CDC25B: variants seen among roughly 807,000 people sequenced by gnomAD.
CDC25B encodes M-phase inducer phosphatase 2.
CDC25B carries 33 observed loss-of-function variants against 69.8 expected under a neutral mutation model. That is an observed-to-expected ratio of 0.47 (90% CI 0.36 to 0.63). The LOEUF (loss-of-function observed/expected upper bound fraction) is 0.63. Among genes scored for constraint, CDC25B ranks in the 30% least tolerant of loss-of-function variants. The pLI is 0.00. For synonymous variants in CDC25B, 341 were observed against 314.6 expected (o/e 1.08, Z -0.89); for missense variants, 727 against 809.1 (o/e 0.90, Z 1.23).
Position 3,800,774 on chromosome 20 carries a change from G to C in CDC25B, c.491G>C (p.Arg164Pro). 8 of 1,611,424 alleles carry C rather than the reference G, an allele frequency of 5.0e-6. No individual in the cohort carries two copies. The highest frequency in any genetic ancestry group is 6.8e-6 in the Non-Finnish European group (8 of 1,180,018). ...CTGCTGGGCCACAGCCCCGTGCTTC[G>C]GAACATCACCAACTCCCAGGCGCCC... ...VRLLGHSPVL[R>P]NITNSQAPDG... The change falls in exon 6 of 16, where the codon CGG becomes CCG. Residue 164 changes from arginine (R) to proline (P), a missense_variant. Coordinates refer to ENST00000245960, the MANE Select transcript of CDC25B (RefSeq NM_021873.4).
chr20:3,800,238 T>A, intron 3 of CDC25B, 50 bp from the exon 4 acceptor site: 1 of 1,104,240 alleles, frequency 9.1e-7, no homozygotes. Flanking sequence ...CTGGGGTGGG[T>A]GATGGGTGCG....
At chr20:3,802,213 A>G in intron 10 of CDC25B, 68 bp from the exon 11 acceptor site, 4 of 1,558,982 alleles carry the variant, frequency 2.6e-6, no homozygotes, top group Non-Finnish European at 3.5e-6. Flanking sequence ...GAAAGGGGGT[A>G]CCAGCCAGCC....
At chr20:3,801,517 G>A in intron 8 of CDC25B, 129 bp downstream of exon 8, 2 of 1,254,644 alleles carry the variant, frequency 1.6e-6, no homozygotes, top group Non-Finnish European at 2.2e-6. Flanking sequence ...TGAGGTAACT[G>A]AGTCACAGCC....
At chr20:3,800,370 C>T in intron 4 of CDC25B, 41 bp downstream of exon 4, 3 of 1,613,748 alleles carry the variant, frequency 1.9e-6, no homozygotes, top group Non-Finnish European at 1.7e-6. Context: ...ACAAGCTTTC[C>T]CTTAGGACAG....
At chr20:3,789,376 A>AT (rs558244603) in intron 1 of CDC25B, among the ~76,000 whole-genome samples, 59 of 149,378 alleles carry the variant, frequency 3.9e-4, no homozygotes, top group African/African-American at 7.6e-4. Flanking sequence ...CTAATTTTTA[A>AT]TTTTTTTTTT....
intron 1 of CDC25B, among the ~76,000 whole-genome samples, 186 bp from the exon 2 acceptor site, chr20:3,797,436 C>T (rs888907288): frequency 1.3e-5 from 2 of 152,228 alleles, no homozygotes; most frequent in Non-Finnish European, 2.9e-5. Context: ...GAAGAGAAGA[C>T]GCTTTAGGGC....
At chr20:3,800,207 C>CGCTGGACTGGAGA (rs1555774427) in intron 3 of CDC25B, 81 bp from the exon 4 acceptor site, 5 of 1,416,278 alleles carry the variant, frequency 3.5e-6, no homozygotes, top group South Asian at 2.4e-5. Context: ...CCTTACTCCC[C>CGCTGGACTGGAGA]CCTGGACTGG....
At chr20:3,787,783 T>A (rs543768454) in intron 1 of CDC25B, among the ~76,000 whole-genome samples, 20 of 151,550 alleles carry the variant, frequency 1.3e-4, no homozygotes, top group Admixed American at 2.6e-4. Flanking sequence ...TGTGGGTGAG[T>A]GTAGACAAAG....
upstream of CDC25B, among the ~76,000 whole-genome samples, chr20:3,793,530 C>A (rs1454762168): frequency 6.6e-6 from 1 of 151,240 alleles, no homozygotes; most frequent in African/African-American, 2.4e-5. Flanking sequence ...CCAGAGGTGA[C>A]CTGACTGTGG....
rs2089231021 is a variant in CDC25B, at chr20:3,800,303, C to T, written c.396C>T (p.Ile132=). 4 of 1,613,942 alleles carry T rather than the reference C, an allele frequency of 2.5e-6. No individual in the cohort carries two copies. The highest frequency in any genetic ancestry group is 3.4e-6 in the Non-Finnish European group (4 of 1,179,988). The stretch of plus-strand genomic sequence containing the variant: ...TCTGTCCTAGGTTTGAACAGGCCAT[C>T]CAGGCAGCCAGCCGGATCATTCGAA... ...HMAEQTFEQA[I]QAASRIIRNE... The change falls in exon 4 of 16, where the codon ATC becomes ATT. Residue 132 remains isoleucine (I), a synonymous_variant. Transcript: ENST00000245960.
chr20:3,793,564 T>G (rs1159105739), upstream of CDC25B, among the ~76,000 whole-genome samples: 1 of 137,354 alleles, frequency 7.3e-6, no homozygotes, highest in African/African-American at 2.9e-5. Flanking sequence ...TTTTTTTTGG[T>G]TTTAGAGAAT....
intron 3 of CDC25B, among the ~76,000 whole-genome samples, chr20:3,799,958 C>G (rs1006844155): frequency 5.3e-5 from 8 of 152,144 alleles, no homozygotes; most frequent in African/African-American, 1.7e-4. Context: ...GATTTGCATA[C>G]AGGTGGAAGG....
In CDC25B at chr20:3,801,062, C is replaced by T; in HGVS notation, c.674C>T (p.Ala225Val). Residue 225 changes from alanine to valine, a missense_variant, in exon 7 of 16, where the codon GCC becomes GTC. Physicochemically the swap from Ala to Val is moderately conservative, Grantham distance 64. Transcript: ENST00000245960. ...TGGGCCAGCCGCAGGGAAGCCTTTG[C>T]CCAGAGACCCAGCTCGGCCCCCGAC... Reference protein sequence around the residue: ...AEWASRREAFAQRPSSAPDLM... With the variant: ...AEWASRREAFVQRPSSAPDLM... The T allele has an allele frequency of 6.2e-7, 1 of 1,614,054 alleles. No homozygotes were observed.
At position 3,802,303 on chromosome 20, in the gene CDC25B, A is replaced by G; in HGVS notation, c.1121A>G (p.Lys374Arg). 2 of 1,610,750 alleles carry G rather than the reference A, an allele frequency of 1.2e-6. No individual in the cohort carries two copies. Among genetic ancestry groups the G allele is most frequent in the Non-Finnish European group, 1.7e-6 (2 of 1,179,752 alleles). ...EEPKARVLRSKSLCHDEIENL... is the reference protein window; with the variant it reads ...EEPKARVLRSRSLCHDEIENL... ...CAGAAAGCCCGCGTCCTCCGCTCAAAATCACTGTGTCACGATGAGATCGAG... is the reference window on the plus strand; with the variant it reads ...CAGAAAGCCCGCGTCCTCCGCTCAAGATCACTGTGTCACGATGAGATCGAG... Residue 374 changes from lysine (K) to arginine (R), a missense_variant, in exon 11 of 16, where the codon AAA becomes AGA. Around this residue, in one of 2 missense-constraint regions of CDC25B, gnomAD observed 359 missense variants for 463.4 expected, o/e 0.77. Coordinates refer to ENST00000245960, the MANE Select transcript of CDC25B (RefSeq NM_021873.4).
rs1410689300 is a variant in CDC25B, at chr20:3,805,655, C to G, written c.*694C>G. The G allele has an allele frequency of 2.5e-6, 1 of 400,372 alleles. No homozygotes were observed. The highest frequency in any genetic ancestry group is 3.5e-5 in the East Asian group (1 of 28,178). The allele number at this position is 400,372 out of a possible 1,614,324, so 24.8% of individuals were successfully genotyped here. ...CCACTCGGTCCCAGTTTTGTTGCCC[C>G]AGAAAGGGATGTTATTATCCTTGGG... On this transcript the variant is annotated 3_prime_UTR_variant, in exon 16 of 16. Transcript: ENST00000245960.
At position 3,798,765 on chromosome 20, in the gene CDC25B, G is replaced by A. The variant is rs1327486112; in HGVS notation, c.380+302G>A. Among the ~76,000 whole-genome samples, 3 of 152,196 alleles carry A rather than the reference G, an allele frequency of 2.0e-5. No individual in the cohort carries two copies. In the East Asian group the frequency reaches 5.8e-4, roughly 29 times the overall value. On this transcript the variant is annotated intron_variant, in intron 3 of 15. Transcript: ENST00000245960. ...CAGCCCATGTCTTGCAGGAATACAA[G>A]CCCAGCGTATGTCCCGTTTTTCTTT...
intron 3 of CDC25B, 103 bp downstream of exon 3, chr20:3,798,566 AC>A: frequency 1.1e-6 from 1 of 885,660 alleles, no homozygotes; most frequent in Non-Finnish European, 1.7e-6. Flanking sequence ...AAGCAGACAG[AC>A]CATGGGGTGG....
At chr20:3,795,628 G>T (rs1201867240), upstream of CDC25B, 7 of 821,026 alleles carry the variant, frequency 8.5e-6, no homozygotes, top group Middle Eastern at 6.2e-4. Context: ...AAATTGGGCC[G>T]GTTGGGGTAA....
rs1215687252 is a variant in CDC25B at position 3,800,810 on chromosome 20, G to A, written c.527G>A (p.Arg176Lys). 1 of 1,613,254 alleles carries A rather than the reference G, an allele frequency of 6.2e-7. No homozygotes were observed. Among genetic ancestry groups the A allele is most frequent in the Non-Finnish European group, 8.5e-7 (1 of 1,180,038 alleles). Residue 176 changes from arginine (R) to lysine (K), a missense_variant, in exon 6 of 16, where the codon AGG becomes AAG. Coordinates refer to ENST00000245960, the MANE Select transcript of CDC25B (RefSeq NM_021873.4). ...ITNSQAPDGRRKSEAGSGAAS... is the reference protein window; with the variant it reads ...ITNSQAPDGRKKSEAGSGAAS... ...AACTCCCAGGCGCCCGACGGCCGGAGGAAGAGCGAGGCGGGCAGTGGAGCT... is the reference window on the plus strand; with the variant it reads ...AACTCCCAGGCGCCCGACGGCCGGAAGAAGAGCGAGGCGGGCAGTGGAGCT...
Sources: gnomAD v4.1 joint callset for allele counts (sites outside exome capture counted in the v4.1 genomes callset) on GRCh38, gnomAD v4.1.1 for gene constraint, gnomAD v4.1.1 regional missense constraint, MANE v1.5 for transcripts, NCBI Gene and HGNC (gene_info 2026-07-23, HGNC 2026-07-21) for gene names.